TNS1: variants seen among roughly 807,000 people sequenced by gnomAD.
The protein encoded by TNS1 is tensin-1.
Under a neutral mutation model 168.6 loss-of-function variants are expected in TNS1, and 62 were observed. The ratio of observed to expected loss-of-function variants is 0.37; its 90% CI spans 0.30 to 0.45. TNS1 has a LOEUF of 0.45. Among genes scored for constraint, TNS1 ranks in the 20% least tolerant of loss-of-function variants. The probability of loss-of-function intolerance (pLI) is 1.00; values close to 1 mark genes in which losing one functional copy is unlikely to be tolerated. For synonymous variants in TNS1, 934 were observed against 933.2 expected (o/e 1.00, Z -0.02); for missense variants, 2,240 against 2,339.4 (o/e 0.96, Z 0.88).
chr2:218,016,988 CA>C (rs1958767981), intron 1 of TNS1, among the ~76,000 whole-genome samples: 1 of 152,140 alleles, frequency 6.6e-6, no homozygotes, highest in South Asian at 2.1e-4. Flanking sequence ...GCTGGCCAGC[CA>C]GGGAAACTGA....
chr2:217,849,660 A>G, intron 18 of TNS1: 1 of 985,332 alleles, frequency 1.0e-6, no homozygotes, highest in Non-Finnish European at 1.2e-6. Flanking sequence ...CCGCCACCCC[A>G]TCTCAAAAAG....
At position 217,836,243 on chromosome 2, in the gene TNS1, A is replaced by C. The variant is rs1945157918; in HGVS notation, c.3008-32T>G. The C allele has an allele frequency of 1.9e-6, 3 of 1,576,218 alleles. No individual in the cohort carries two copies. In the Admixed American group the frequency reaches 5.3e-5, roughly 28 times the overall value. ...GGAAAGCAGGGTGTAGAGGACAATG[A>C]GCATTTTTGTGTAAGAAATGATCAA... On this transcript the variant is annotated intron_variant, in intron 19 of 32. Coordinates refer to ENST00000682258, the MANE Select transcript of TNS1 (RefSeq NM_001387777.1).
rs1191243427 is a variant in TNS1, at chr2:217,848,758, G to T, written c.1759C>A (p.His587Asn). 6.2e-7 allele frequency: 1 copy of T among 1,614,086 alleles called. No homozygotes were observed. Among genetic ancestry groups the T allele is most frequent in the African/African-American group, 1.3e-5 (1 of 74,946 alleles). The change falls in exon 19 of 33, where the codon CAC (histidine) becomes AAC (asparagine). Residue 587 changes from histidine to asparagine, a missense_variant. Physicochemically the swap from His to Asn is moderately conservative, Grantham distance 68. Coordinates refer to ENST00000682258, the MANE Select transcript of TNS1 (RefSeq NM_001387777.1). ...EKQGAMYHTQ[H>N]LRSRPAGGSA... is the part of the protein sequence containing the mutation. ...CCCCCTGCTGGGCGGGACCTGAGGT[G>T]CTGGGTGTGGTACATGGCGCCTTGC... is the stretch of plus-strand genomic sequence containing the variant.
chr2:217,991,987 C>T (rs1303598304), intron 1 of TNS1, among the ~76,000 whole-genome samples: 1 of 152,152 alleles, frequency 6.6e-6, no homozygotes, highest in Non-Finnish European at 1.5e-5. Flanking sequence ...ACCACTACCA[C>T]AGGCCTCAGT....
At chr2:217,968,438 TAAGATAAATC>T (rs1957700061) in intron 3 of TNS1, among the ~76,000 whole-genome samples, 1 of 152,174 alleles carries the variant, frequency 6.6e-6, no homozygotes, top group Non-Finnish European at 1.5e-5. Context: ...CTGATGATTG[TAAGATAAATC>T]ATCACTACAC....
chr2:217,877,230 C>T (rs1360557130), intron 18 of TNS1, among the ~76,000 whole-genome samples: 1 of 152,132 alleles, frequency 6.6e-6, no homozygotes, highest in Non-Finnish European at 1.5e-5. Context: ...AACGGGCTTC[C>T]CTTTGTGGTA....
chr2:218,015,502 C>A (rs189486282), intron 1 of TNS1, among the ~76,000 whole-genome samples: 37 of 152,310 alleles, frequency 2.4e-4, no homozygotes, highest in African/African-American at 6.5e-4. Context: ...GATACCTAAC[C>A]TCCATCCCCC....
At chr2:217,881,078 C>T in intron 17 of TNS1, 64 bp from the exon 18 acceptor site, 1 of 1,208,134 alleles carries the variant, frequency 8.3e-7, no homozygotes, top group East Asian at 2.3e-5. Flanking sequence ...AAGAGATCAG[C>T]AGCTGGAAAA....
At chr2:217,878,899 C>A (rs1482993676) in intron 18 of TNS1, among the ~76,000 whole-genome samples, 1 of 152,212 alleles carries the variant, frequency 6.6e-6, no homozygotes, top group Non-Finnish European at 1.5e-5. Context: ...AAGGCCCTGG[C>A]CGCTTCTTCT....
At chr2:217,950,082 A>G (rs1391937861) in intron 3 of TNS1, among the ~76,000 whole-genome samples, 4 of 152,192 alleles carry the variant, frequency 2.6e-5, no homozygotes. Context: ...ACCATCAGAA[A>G]TGTCAGTTTC....
chr2:217,806,981 A>G (rs1336596268), intron 32 of TNS1, among the ~76,000 whole-genome samples: 1 of 152,128 alleles, frequency 6.6e-6, no homozygotes, highest in Non-Finnish European at 1.5e-5. Flanking sequence ...CCCGTCCTTA[A>G]ATATCTGCTC....
At chr2:217,994,326 A>G (rs551072166) in intron 1 of TNS1, among the ~76,000 whole-genome samples, 4 of 152,044 alleles carry the variant, frequency 2.6e-5, no homozygotes, top group African/African-American at 7.2e-5. Flanking sequence ...GTCAGTGTCA[A>G]CTGCAGCAGT....
At chr2:217,965,313 G>A (rs1559391278) in intron 3 of TNS1, among the ~76,000 whole-genome samples, 1 of 152,194 alleles carries the variant, frequency 6.6e-6, no homozygotes, top group East Asian at 1.9e-4. Flanking sequence ...TGCAAGGTCA[G>A]CATGATATCA....
In TNS1 at chr2:217,860,131, T is replaced by A. The variant is rs1435503138; in HGVS notation, c.1430-11044A>T. Among the ~76,000 whole-genome samples, 5 of 152,180 alleles carry A rather than the reference T, an allele frequency of 3.3e-5. No individual in the cohort carries two copies. In the East Asian group the frequency reaches 9.6e-4, roughly 29 times the overall value. On this transcript the variant is annotated intron_variant, in intron 18 of 32. Transcript: ENST00000682258. ...GTGCCCAGACCTTCCCAGCTAAGTTTGGTACAGCGAGATTGGGAGGGAAAG... is the reference window on the plus strand; with the variant it reads ...GTGCCCAGACCTTCCCAGCTAAGTTAGGTACAGCGAGATTGGGAGGGAAAG...
At chr2:217,890,414 G>C (rs998188478) in intron 12 of TNS1, 14 of 153,156 alleles carry the variant, frequency 9.1e-5, no homozygotes, top group African/African-American at 3.4e-4. Flanking sequence ...TGGAGCCATA[G>C]TAGATGATTT....
At chr2:217,857,967 T>A (rs927998553) in intron 18 of TNS1, among the ~76,000 whole-genome samples, 1 of 150,994 alleles carries the variant, frequency 6.6e-6, no homozygotes, top group Non-Finnish European at 1.5e-5. Flanking sequence ...TAGAGGAGAG[T>A]CAAGCTGCCA....
At chr2:217,817,350 G>A (rs979030136) in intron 24 of TNS1, among the ~76,000 whole-genome samples, 2 of 152,178 alleles carry the variant, frequency 1.3e-5, no homozygotes, top group Non-Finnish European at 2.9e-5. Flanking sequence ...AAGCTTAAAT[G>A]ACACAGTACT....
At chr2:218,008,732 C>T (rs1417972390) in intron 1 of TNS1, among the ~76,000 whole-genome samples, 1 of 152,206 alleles carries the variant, frequency 6.6e-6, no homozygotes, top group African/African-American at 2.4e-5. Flanking sequence ...AGCTAAAAGT[C>T]CAAGCTCCTA....
rs114498595 is a variant in TNS1 at position 217,937,008 on chromosome 2, C to T, written c.187-16772G>A. ...CACTGGGCCTCTGCACATGCCTTCC[C>T]CTGTGCCTGAAGAAGTCTTTGCCCC... On this transcript the variant is annotated intron_variant, in intron 3 of 32. Coordinates refer to ENST00000682258, the MANE Select transcript of TNS1 (RefSeq NM_001387777.1). 1.1e-3 allele frequency: 500 copies of T among 456,928 alleles called. 2 individuals are homozygous for T. The highest frequency in any genetic ancestry group is 9.3e-3 in the African/African-American group (465 of 50,174). 28.3% of individuals were successfully genotyped at this position (456,928 alleles called of 1,614,324 possible).
Sources: allele counts gnomAD v4.1 joint callset (sites outside exome capture counted in the v4.1 genomes callset), GRCh38; gene constraint gnomAD v4.1.1; transcripts MANE v1.5; gene names NCBI Gene and HGNC (gene_info 2026-07-23, HGNC 2026-07-21).